GATAD2B: variants seen among roughly 807,000 people sequenced by gnomAD.
GATAD2B encodes the protein GATA zinc finger domain containing 2B.
Under a neutral mutation model 64.3 loss-of-function variants are expected in GATAD2B, and 8 were observed. That is an observed-to-expected ratio of 0.12 (90% CI 0.07 to 0.22). The LOEUF (loss-of-function observed/expected upper bound fraction) is 0.22, where lower values mean the gene tolerates loss of function less well. Among genes scored for constraint, GATAD2B ranks in the 10% least tolerant of loss-of-function variants. The probability of loss-of-function intolerance (pLI) is 1.00; values close to 1 mark genes in which losing one functional copy is unlikely to be tolerated. For synonymous variants in GATAD2B, 281 were observed against 271.3 expected, an observed-to-expected ratio of 1.04 and a Z score of -0.35; for missense variants, 453 against 752.0, an observed-to-expected ratio of 0.60 and a Z score of 4.65.
At chr1:153,880,998 G>C (rs1214124192) in intron 1 of GATAD2B, among the ~76,000 whole-genome samples, 1 of 152,032 alleles carries the variant, frequency 6.6e-6, no homozygotes, top group Non-Finnish European at 1.5e-5. Context: ...GTGTGGATGT[G>C]TCAAAAGGGT....
At chr1:153,880,228 G>C (rs1420059677) in intron 1 of GATAD2B, among the ~76,000 whole-genome samples, 6 of 151,224 alleles carry the variant, frequency 4.0e-5, no homozygotes, top group Admixed American at 4.0e-4. Flanking sequence ...CGTGGGGGCC[G>C]AGGCAGGTGG....
chr1:153,824,072 C>A (rs1674782941), intron 2 of GATAD2B, among the ~76,000 whole-genome samples: 1 of 152,146 alleles, frequency 6.6e-6, no homozygotes, highest in African/African-American at 2.4e-5. Flanking sequence ...GTGGAAATAG[C>A]TGTCAGTATA....
intron 1 of GATAD2B, among the ~76,000 whole-genome samples, chr1:153,894,739 G>A (rs144260512): frequency 7.2e-5 from 11 of 152,204 alleles, no homozygotes; most frequent in Non-Finnish European, 1.0e-4. Context: ...GCACGCGCCT[G>A]CAGTCCCAGC....
In GATAD2B at chr1:153,818,157, C is replaced by T. The variant is rs756944027; in HGVS notation, c.612G>A (p.Gln204=). The change falls in exon 5 of 11, where the codon CAG becomes CAA. Residue 204 remains glutamine, a synonymous_variant. Coordinates refer to ENST00000368655, the MANE Select transcript of GATAD2B (RefSeq NM_020699.4). ...ATGGCTGAACAATAGATGCTGCATT[C>T]TGTACAACTGGAGTCTGGGAGAGGG... ...ENVVQKTPVV[Q]NAASIVQPSP... is the part of the protein sequence containing the mutation. 6.2e-7 allele frequency: 1 copy of T among 1,608,146 alleles called. No individual in the cohort carries two copies. Among genetic ancestry groups the T allele is most frequent in the Admixed American group, 1.7e-5 (1 of 58,618 alleles).
At chr1:153,877,021 A>G (rs1415436930) in intron 1 of GATAD2B, among the ~76,000 whole-genome samples, 1 of 152,158 alleles carries the variant, frequency 6.6e-6, no homozygotes, top group African/African-American at 2.4e-5. Context: ...GCCTCAAAAA[A>G]GAAAAGAAGA....
At chr1:153,826,265 C>G (rs978690812) in intron 2 of GATAD2B, among the ~76,000 whole-genome samples, 1 of 152,056 alleles carries the variant, frequency 6.6e-6, no homozygotes, top group Non-Finnish European at 1.5e-5. Flanking sequence ...ATGATCCACC[C>G]GCCTCGGCCT....
At chr1:153,893,435 A>G (rs1462246809) in intron 1 of GATAD2B, among the ~76,000 whole-genome samples, 1 of 151,752 alleles carries the variant, frequency 6.6e-6, no homozygotes, top group African/African-American at 2.4e-5. Context: ...GCCGAAACCC[A>G]GTCTCTACAA....
At chr1:153,920,190 T>C (rs1678388155) in intron 1 of GATAD2B, among the ~76,000 whole-genome samples, 3 of 152,160 alleles carry the variant, frequency 2.0e-5, no homozygotes, top group African/African-American at 7.2e-5. Context: ...ACAGGAGGAA[T>C]GCTTTACATG....
intron 1 of GATAD2B, among the ~76,000 whole-genome samples, chr1:153,883,225 C>T (rs1370945360): frequency 1.3e-5 from 2 of 152,098 alleles, no homozygotes; most frequent in Non-Finnish European, 2.9e-5. Context: ...TCACCCTACG[C>T]AAAAATATTA....
At chr1:153,892,502 A>T (rs1327232870) in intron 1 of GATAD2B, among the ~76,000 whole-genome samples, 1 of 152,184 alleles carries the variant, frequency 6.6e-6, no homozygotes, top group African/African-American at 2.4e-5. Context: ...GTAGAGGGAT[A>T]CATGAATACA....
intron 10 of GATAD2B, 61 bp downstream of exon 10, chr1:153,811,670 A>T: frequency 1.0e-6 from 1 of 985,564 alleles, no homozygotes; most frequent in Non-Finnish European, 1.6e-6. Context: ...GGGCTGCTAC[A>T]GAACTGTATA....
chr1:153,806,752 G>C lies in GATAD2B; in HGVS notation c.*3425C>G, dbSNP rs953910161. On this transcript the variant is annotated 3_prime_UTR_variant, in exon 11 of 11. Coordinates refer to ENST00000368655, the MANE Select transcript of GATAD2B (RefSeq NM_020699.4). Reference sequence around the variant, plus strand: ...GAAGGTCTTGATGGAAAGGATGGGAGCCTAGGACGGGGGTGGGGGTAGGGG... The same window carrying C: ...GAAGGTCTTGATGGAAAGGATGGGACCCTAGGACGGGGGTGGGGGTAGGGG... The C allele has an allele frequency of 2.0e-5, 3 of 151,774 alleles. No homozygotes were observed. The highest frequency in any genetic ancestry group is 7.3e-5 in the African/African-American group (3 of 41,150). The allele number at this position is 151,774 out of a possible 1,614,324, so 9.4% of individuals were successfully genotyped here. A position where few individuals can be genotyped will look rare whatever the true frequency, so the allele number is the denominator to read the frequency against.
intron 1 of GATAD2B, among the ~76,000 whole-genome samples, chr1:153,871,955 ATAAAT>A (rs1676680966): frequency 6.6e-6 from 1 of 152,136 alleles, no homozygotes; most frequent in Admixed American, 6.6e-5. Context: ...GTCTCAAAAA[ATAAAT>A]TAATTAGTAA....
At chr1:153,901,223 A>AC (rs1202697622) in intron 1 of GATAD2B, among the ~76,000 whole-genome samples, 6 of 151,860 alleles carry the variant, frequency 4.0e-5, no homozygotes, top group Non-Finnish European at 8.8e-5. Context: ...CAAAAAAAAA[A>AC]AAAAATTTAT....
At chr1:153,895,192 C>T (rs1454285585) in intron 1 of GATAD2B, among the ~76,000 whole-genome samples, 3 of 151,600 alleles carry the variant, frequency 2.0e-5, no homozygotes, top group South Asian at 2.1e-4. Context: ...GTTAGCTGGG[C>T]GTGGTGGAAC....
intron 1 of GATAD2B, among the ~76,000 whole-genome samples, chr1:153,871,672 T>C (rs1015096737): frequency 6.6e-6 from 1 of 152,074 alleles, no homozygotes; most frequent in Admixed American, 6.6e-5. Context: ...GGTTTTACCA[T>C]GTTGGGCAGG....
chr1:153,858,110 T>C (rs1221862092), intron 1 of GATAD2B, among the ~76,000 whole-genome samples: 3 of 152,206 alleles, frequency 2.0e-5, no homozygotes, highest in Non-Finnish European at 4.4e-5. Context: ...TCAAACTAGA[T>C]AGTTCTGAAT....
rs537703876 is a variant in GATAD2B, at chr1:153,896,379, G to A, written c.-2+26354C>T. Among the ~76,000 whole-genome samples the A allele has an allele frequency of 3.3e-5, 5 of 151,842 alleles. No individual in the cohort carries two copies. In the South Asian group the frequency reaches 1.0e-3, roughly 32 times the overall value. ...TCTGAAACAAAAGGGAAAGTAGGAG[G>A]GACCATAAAAACAGAATGGCTTGAG... On this transcript the variant is annotated intron_variant, in intron 1 of 10. Coordinates refer to ENST00000368655, the MANE Select transcript of GATAD2B (RefSeq NM_020699.4).
At chr1:153,830,774 CTTTTTA>C (rs1675052880) in intron 1 of GATAD2B, among the ~76,000 whole-genome samples, 2 of 152,156 alleles carry the variant, frequency 1.3e-5, no homozygotes, top group South Asian at 4.1e-4. Context: ...CGCGCCCGGC[CTTTTTA>C]TTTTTATTTT....
Sources: gnomAD v4.1 joint callset for allele counts (sites outside exome capture counted in the v4.1 genomes callset) on GRCh38, gnomAD v4.1.1 for gene constraint, MANE v1.5 for transcripts, NCBI Gene and HGNC (gene_info 2026-07-23, HGNC 2026-07-21) for gene names.